GRIK4: variants seen among roughly 807,000 people sequenced by gnomAD.
GRIK4 encodes the protein glutamate receptor ionotropic, kainate 4.
Under a neutral mutation model 104.9 loss-of-function variants are expected in GRIK4, and 40 were observed. That is an observed-to-expected ratio of 0.38 (90% CI 0.30 to 0.50). The LOEUF (loss-of-function observed/expected upper bound fraction) is 0.50, where lower values mean the gene tolerates loss of function less well. Among genes scored for constraint, GRIK4 ranks in the 20% least tolerant of loss-of-function variants. The probability of loss-of-function intolerance (pLI) is 0.93; values close to 1 mark genes in which losing one functional copy is unlikely to be tolerated. For synonymous variants in GRIK4, 485 were observed against 524.9 expected (o/e 0.92, Z 1.04); for missense variants, 1,047 against 1,308.1 (o/e 0.80, Z 3.08).
rs1187653411 is a variant in GRIK4 at position 120,821,011 on chromosome 11, T to C, written c.511+1091T>C. Among the ~76,000 whole-genome samples, 3 of 152,206 alleles carry C rather than the reference T, an allele frequency of 2.0e-5. No homozygotes were observed. The East Asian group carries it at 5.8e-4, about 29-fold the overall frequency. ...GGTTTGGAGGTGTTAGATCTCCCCATTTCAAAGTTGAGGAAGTTGAGACTC... is the reference window on the plus strand; with the variant it reads ...GGTTTGGAGGTGTTAGATCTCCCCACTTCAAAGTTGAGGAAGTTGAGACTC... On this transcript the variant is annotated intron_variant, in intron 6 of 20. Transcript: ENST00000527524.
At chr11:120,601,392 C>T (rs1476289790) in intron 1 of GRIK4, among the ~76,000 whole-genome samples, 1 of 152,108 alleles carries the variant, frequency 6.6e-6, no homozygotes, top group Admixed American at 6.5e-5. Context: ...GGCAACAGAG[C>T]GAGACTCCAT....
chr11:120,571,713 C>T (rs939138452), intron 1 of GRIK4, among the ~76,000 whole-genome samples: 1 of 152,068 alleles, frequency 6.6e-6, no homozygotes, highest in Middle Eastern at 3.2e-3. Context: ...CTTGCCAGCC[C>T]CCATTGTGGA....
chr11:120,514,615 C>T (rs539084002), intron 1 of GRIK4, among the ~76,000 whole-genome samples: 2 of 152,246 alleles, frequency 1.3e-5, no homozygotes, highest in African/African-American at 4.8e-5. Context: ...GGAGTCTTTG[C>T]TCTGTAGTCT....
chr11:120,870,551 G>A (rs1954578286), intron 9 of GRIK4: 2 of 152,044 alleles, frequency 1.3e-5, no homozygotes, highest in Non-Finnish European at 2.9e-5. Context: ...AAATCTGATA[G>A]AGCAATGACA....
intron 1 of GRIK4, among the ~76,000 whole-genome samples, chr11:120,531,037 C>T (rs1016028995): frequency 2.6e-5 from 4 of 152,164 alleles, no homozygotes; most frequent in African/African-American, 9.7e-5. Flanking sequence ...CTTCCTGGTT[C>T]CCATCATAGG....
chr11:120,594,526 C>T (rs1948775432), intron 1 of GRIK4, among the ~76,000 whole-genome samples: 1 of 152,136 alleles, frequency 6.6e-6, no homozygotes, highest in African/African-American at 2.4e-5. Flanking sequence ...TTTGCCATGC[C>T]TTATAAGGCC....
intron 3 of GRIK4, among the ~76,000 whole-genome samples, chr11:120,676,849 G>A (rs1398400803): frequency 6.6e-6 from 1 of 152,228 alleles, no homozygotes; most frequent in Admixed American, 6.5e-5. Context: ...GTTTTAGGAT[G>A]TGGGCATCTT....
At position 120,513,126 on chromosome 11, in the gene GRIK4, C is replaced by T. The variant is rs1285714727; in HGVS notation, c.-159+1239C>T. Among the ~76,000 whole-genome samples, 1 of 152,122 alleles carries T rather than the reference C, an allele frequency of 6.6e-6. No individual in the cohort carries two copies. Among genetic ancestry groups the T allele is most frequent in the Non-Finnish European group, 1.5e-5 (1 of 68,008 alleles). ...GGGTTGTCTGGGAAGAGGAGGGGAG[C>T]TCTGAGCACAGCTGGGCCCTTTTGC... On this transcript the variant is annotated intron_variant, in intron 1 of 20. Transcript: ENST00000527524. This position sits in a 1 kb window ranked among gnomAD's most constrained non-coding sequence, Gnocchi z 4.5.
At chr11:120,588,694 A>T (rs1390387575) in intron 1 of GRIK4, among the ~76,000 whole-genome samples, 1 of 152,118 alleles carries the variant, frequency 6.6e-6, no homozygotes, top group African/African-American at 2.4e-5. Flanking sequence ...CAGGCTTCTC[A>T]ACATTTTGGG....
intron 1 of GRIK4, among the ~76,000 whole-genome samples, chr11:120,545,898 C>A (rs912854845): frequency 1.3e-5 from 2 of 152,204 alleles, no homozygotes; most frequent in Admixed American, 6.5e-5. Context: ...GAGTGCTTTC[C>A]TGCATGTTTT....
chr11:120,862,171 C>T (rs1954282719), intron 9 of GRIK4, 51 bp downstream of exon 9: 1 of 1,535,266 alleles, frequency 6.5e-7, no homozygotes, highest in Non-Finnish European at 8.9e-7. Flanking sequence ...CTGCACATTG[C>T]CCCTCTGTGG....
chr11:120,772,226 A>C (rs1565343101), intron 3 of GRIK4, among the ~76,000 whole-genome samples: 1 of 152,146 alleles, frequency 6.6e-6, no homozygotes, highest in Non-Finnish European at 1.5e-5. Context: ...AAACAAACAA[A>C]CAAACAAAAA....
At chr11:120,901,726 G>A (rs1311938070) in intron 12 of GRIK4, among the ~76,000 whole-genome samples, 1 of 152,186 alleles carries the variant, frequency 6.6e-6, no homozygotes, top group Non-Finnish European at 1.5e-5. Flanking sequence ...GGGCTGTACT[G>A]CCAGCCTCTC....
intron 2 of GRIK4, among the ~76,000 whole-genome samples, chr11:120,659,116 C>G (rs1400946158): frequency 6.6e-6 from 1 of 152,068 alleles, no homozygotes; most frequent in Non-Finnish European, 1.5e-5. Flanking sequence ...ATCAGCCGCA[C>G]CCTCACCCCA....
At chr11:120,950,444 A>T (rs1943972970) in intron 14 of GRIK4, among the ~76,000 whole-genome samples, 1 of 152,210 alleles carries the variant, frequency 6.6e-6, no homozygotes, top group Non-Finnish European at 1.5e-5. Flanking sequence ...TGATATAATC[A>T]GGTATAGATT....
At chr11:120,861,518 C>A (rs1954262721) in intron 8 of GRIK4, among the ~76,000 whole-genome samples, 1 of 152,148 alleles carries the variant, frequency 6.6e-6, no homozygotes, top group Non-Finnish European at 1.5e-5. Context: ...CTGAAAGGGC[C>A]ATGCACTTTC....
chr11:120,639,513 C>G (rs1246884819), intron 1 of GRIK4, among the ~76,000 whole-genome samples: 1 of 152,210 alleles, frequency 6.6e-6, no homozygotes, highest in Non-Finnish European at 1.5e-5. Flanking sequence ...CTCGCAGTCT[C>G]TCCTCTTGGG....
chr11:120,752,647 C>G (rs1456864914), intron 3 of GRIK4, among the ~76,000 whole-genome samples: 1 of 152,192 alleles, frequency 6.6e-6, no homozygotes, highest in African/African-American at 2.4e-5. Flanking sequence ...GTTGATTTTA[C>G]TTTCCACCCT....
Position 120,524,292 on chromosome 11 carries a change from G to A in GRIK4, c.-159+12405G>A, listed in dbSNP as rs568230503. Among the ~76,000 whole-genome samples the A allele has an allele frequency of 3.4e-4, 52 of 152,282 alleles. No individual in the cohort carries two copies. Among genetic ancestry groups the A allele is most frequent in the African/African-American group, 1.2e-3 (49 of 41,566 alleles). On this transcript the variant is annotated intron_variant, in intron 1 of 20. Transcript: ENST00000527524. The surrounding 1 kb of genome is among the most constrained non-coding windows in gnomAD (Gnocchi z 4.5). Reference sequence around the variant, plus strand: ...CTCAGTATGCGTTTAGTGGGTGAACGGCTGCTTTGGTGAGCCGCTTGTCTG... The same window carrying A: ...CTCAGTATGCGTTTAGTGGGTGAACAGCTGCTTTGGTGAGCCGCTTGTCTG...
Sources: allele counts gnomAD v4.1 joint callset (sites outside exome capture counted in the v4.1 genomes callset), GRCh38; gene constraint gnomAD v4.1.1; non-coding constraint Gnocchi (gnomAD v3.1); transcripts MANE v1.5; gene names NCBI Gene and HGNC (gene_info 2026-07-23, HGNC 2026-07-21).